Variants in ST18 observed in about 807,000 individuals in gnomAD.
ST18 encodes suppression of tumorigenicity 18 protein.
ST18 carries 50 observed loss-of-function variants against 110.0 expected under a neutral mutation model. The observed-to-expected ratio is 0.45, with a 90% CI of 0.36 to 0.58. The LOEUF is 0.58. Among genes scored for constraint, ST18 ranks in the 20% least tolerant of loss-of-function variants. The pLI, the probability that ST18 is intolerant of heterozygous loss-of-function variation, is 0.00. For synonymous variants in ST18, 461 were observed against 452.4 expected (o/e 1.02, Z -0.24); for missense variants, 1,306 against 1,280.1 (o/e 1.02, Z -0.31).
At chr8:52,190,386 T>C (rs1463769283) in intron 8 of ST18, among the ~76,000 whole-genome samples, 2 of 152,156 alleles carry the variant, frequency 1.3e-5, no homozygotes, top group Non-Finnish European at 1.5e-5. Context: ...ATAGGATGCA[T>C]GGCTGATGGT....
chr8:52,315,623 T>G (rs2096010802), intron 2 of ST18, among the ~76,000 whole-genome samples: 1 of 141,372 alleles, frequency 7.1e-6, no homozygotes, highest in African/African-American at 3.2e-5. Context: ...AGGAGGAAGC[T>G]TCTAACCTTT....
At chr8:52,203,651 A>C (rs2078861055) in intron 8 of ST18, among the ~76,000 whole-genome samples, 1 of 152,248 alleles carries the variant, frequency 6.6e-6, no homozygotes, top group South Asian at 2.1e-4. Context: ...TTTACTTAAA[A>C]GATAGCAAGA....
Position 52,178,636 on chromosome 8 carries a change from AAAAAAAAC to A in ST18, c.277+1478_277+1485del, listed in dbSNP as rs1334201725. On this transcript the variant is annotated intron_variant, in intron 9 of 25. Coordinates refer to ENST00000689386, the MANE Select transcript of ST18 (RefSeq NM_001352837.2). Reference sequence around the variant, plus strand: ...CATCAAAAAAAAAAAAAAAAAAAAAAAAAAAAACCACCAAAAACCAAAATAAAACAAAC... The same window carrying A: ...CATCAAAAAAAAAAAAAAAAAAAAAACACCAAAAACCAAAATAAAACAAAC... 2.4e-4 allele frequency among the ~76,000 whole-genome samples: 32 copies of A among 132,382 alleles called. 6 individuals carry two copies. The highest frequency in any genetic ancestry group is 1.0e-3 in the African/African-American group (30 of 29,690). 86.8% of individuals were successfully genotyped at this position (132,382 alleles called of 152,430 possible). A position where few individuals can be genotyped will look rare whatever the true frequency, so the allele number is the denominator to read the frequency against.
At chr8:52,398,768 C>A (rs1418761196) in intron 2 of ST18, among the ~76,000 whole-genome samples, 1 of 151,994 alleles carries the variant, frequency 6.6e-6, no homozygotes, top group Non-Finnish European at 1.5e-5. Flanking sequence ...TATGTTAAAC[C>A]AAACATGCAC....
intron 2 of ST18, among the ~76,000 whole-genome samples, chr8:52,305,879 T>C (rs1004026749): frequency 6.6e-6 from 1 of 152,202 alleles, no homozygotes; most frequent in African/African-American, 2.4e-5. Context: ...CACTATGTCC[T>C]CTCAACTAAG....
At chr8:52,166,722 A>G (rs1399633183) in intron 11 of ST18, 130 bp downstream of exon 11, 5 of 1,247,950 alleles carry the variant, frequency 4.0e-6, no homozygotes, top group Admixed American at 2.8e-5. Context: ...CCACAGCTAG[A>G]TGGAATTGGC....
chr8:52,314,303 G>T (rs970713615), intron 2 of ST18, among the ~76,000 whole-genome samples: 1 of 152,212 alleles, frequency 6.6e-6, no homozygotes, highest in Admixed American at 6.5e-5. Context: ...CTGGTTGGGT[G>T]AGGATACAGA....
At chr8:52,393,882 C>CAAAAAA (rs36094545) in intron 2 of ST18, 1 of 69,032 alleles carries the variant, frequency 1.4e-5, no homozygotes, top group Non-Finnish European at 3.6e-5. Context: ...AACTCCATCT[C>CAAAAAA]AAAAAAAAAA....
intron 2 of ST18, among the ~76,000 whole-genome samples, chr8:52,356,038 C>T (rs1822595821): frequency 6.6e-6 from 1 of 152,140 alleles, no homozygotes; most frequent in Non-Finnish European, 1.5e-5. Context: ...AAAGGAAGTA[C>T]ATGGGAGAAT....
At chr8:52,342,059 T>C (rs1815304442) in intron 2 of ST18, among the ~76,000 whole-genome samples, 1 of 152,226 alleles carries the variant, frequency 6.6e-6, no homozygotes, top group Non-Finnish European at 1.5e-5. Context: ...AGTATACTGA[T>C]TACTTTTTAG....
intron 2 of ST18, among the ~76,000 whole-genome samples, chr8:52,357,723 A>T (rs6473716): frequency 0.033 from 2,591 of 77,916 alleles, 177 homozygotes; most frequent in African/African-American, 0.23. Flanking sequence ...ATATATATAT[A>T]TATATATAAA....
At chr8:52,139,619 G>C (rs1228903660) in intron 17 of ST18, among the ~76,000 whole-genome samples, 1 of 152,234 alleles carries the variant, frequency 6.6e-6, no homozygotes, top group South Asian at 2.1e-4. Context: ...GCCTCCCAAA[G>C]TGCTGGGATT....
chr8:52,347,814 A>C (rs904123617), intron 2 of ST18, among the ~76,000 whole-genome samples: 1 of 152,158 alleles, frequency 6.6e-6, no homozygotes, highest in Admixed American at 6.5e-5. Context: ...ATTCAAATCC[A>C]CCTCCTCTGG....
intron 25 of ST18, 86 bp downstream of exon 25, chr8:52,116,189 C>G: frequency 6.6e-7 from 1 of 1,506,218 alleles, no homozygotes; most frequent in Non-Finnish European, 8.9e-7. Flanking sequence ...CTCCTCAAAG[C>G]TCAGTCGTGG....
intron 2 of ST18, among the ~76,000 whole-genome samples, chr8:52,353,577 C>G (rs1315728656): frequency 6.6e-6 from 1 of 152,018 alleles, no homozygotes; most frequent in Non-Finnish European, 1.5e-5. Flanking sequence ...AAACTATTTA[C>G]ATAAATATTA....
At chr8:52,256,045 C>A (rs867890878) in intron 2 of ST18, among the ~76,000 whole-genome samples, 1 of 152,204 alleles carries the variant, frequency 6.6e-6, no homozygotes, top group Non-Finnish European at 1.5e-5. Context: ...GGGAGCGGAG[C>A]CTCCTAGCCT....
intron 8 of ST18, among the ~76,000 whole-genome samples, chr8:52,207,699 GACTATGA>G (rs1467059066): frequency 2.6e-5 from 4 of 152,270 alleles, no homozygotes; most frequent in Non-Finnish European, 5.9e-5. Context: ...ACAGCAAAAA[GACTATGA>G]ACGGACAGAG....
chr8:52,276,870 G>C (rs973697943), intron 2 of ST18, among the ~76,000 whole-genome samples: 1 of 151,396 alleles, frequency 6.6e-6, no homozygotes, highest in African/African-American at 2.4e-5. Flanking sequence ...GGGTTCAAGC[G>C]ATTCTCCTGC....
At chr8:52,288,671 G>T (rs977489602) in intron 2 of ST18, among the ~76,000 whole-genome samples, 3 of 151,124 alleles carry the variant, frequency 2.0e-5, no homozygotes, top group African/African-American at 7.3e-5. Context: ...TCCAGTCTGG[G>T]TGGTAGACTA....
Sources: gnomAD v4.1 joint callset for allele counts (sites outside exome capture counted in the v4.1 genomes callset) on GRCh38, gnomAD v4.1.1 for gene constraint, MANE v1.5 for transcripts, NCBI Gene and HGNC (gene_info 2026-07-23, HGNC 2026-07-21) for gene names.